WRNIP1: variants seen among roughly 807,000 people sequenced by gnomAD.
The protein encoded by WRNIP1 is WRN helicase interacting protein 1.
A neutral mutation model predicts 56.1 loss-of-function variants in WRNIP1; 41 were observed. That is an observed-to-expected ratio of 0.73 (90% confidence interval 0.57 to 0.95). The LOEUF is 0.95. WRNIP1 is among the 40% of genes least tolerant of loss of function. The pLI, the probability that WRNIP1 is intolerant of heterozygous loss-of-function variation, is 0.00. For synonymous variants in WRNIP1, 547 were observed against 398.1 expected (o/e 1.37, Z -4.45); for missense variants, 1,170 against 939.4 (o/e 1.25, Z -3.21).
rs1352928304 is a variant in WRNIP1 at position 2,770,332 on chromosome 6, T to A, written c.1227T>A (p.Pro409=). 6.2e-7 allele frequency: 1 copy of A among 1,614,118 alleles called. No individual in the cohort carries two copies. The highest frequency in any genetic ancestry group is 8.5e-7 in the Non-Finnish European group (1 of 1,180,004). ...TAGACTCTAGCCGTCCCACTGACCC[T>A]CTGAGCCACAGCAGCAACAGCAGCT... The part of the protein sequence containing the change: ...HVLDSSRPTD[P]LSHSSNSSSE... Residue 409 remains proline, a synonymous_variant, in exon 3 of 7, where the codon CCT becomes CCA. Transcript: ENST00000380773.
intron 3 of WRNIP1, among the ~76,000 whole-genome samples, chr6:2,770,959 G>A (rs1765258783): frequency 6.6e-6 from 1 of 152,124 alleles, no homozygotes; most frequent in African/African-American, 2.4e-5. Flanking sequence ...ACCTATTTCT[G>A]CATCATGAGT....
At chr6:2,784,233 C>T in intron 5 of WRNIP1, 91 bp from the exon 6 acceptor site, 3 of 1,209,974 alleles carry the variant, frequency 2.5e-6, no homozygotes, top group Non-Finnish European at 2.4e-6. Context: ...ACCAAGTGTA[C>T]AAGCAGTGGT....
chr6:2,782,267 C>G (rs753063878), intron 4 of WRNIP1, among the ~76,000 whole-genome samples: 1 of 152,218 alleles, frequency 6.6e-6, no homozygotes, highest in Non-Finnish European at 1.5e-5. Flanking sequence ...CTGACTTCAC[C>G]AGGGGAGCCC....
rs756803867 is a variant in WRNIP1, at chr6:2,784,305, TTGTCTC to T, written c.1643-15_1643-10del. On this transcript the variant is annotated splice_polypyrimidine_tract_variant and intron_variant, in intron 5 of 6. Coordinates refer to ENST00000380773, the MANE Select transcript of WRNIP1 (RefSeq NM_020135.3). ...TGTGTGTCATGACTGAAACTCTCCT[TTGTCTC>T]TGTGTGTGGCAGGTCTGGCAGACCC... The T allele has an allele frequency of 3.1e-6, 5 of 1,609,726 alleles. No homozygotes were observed. Among genetic ancestry groups the T allele is most frequent in the Middle Eastern group, 1.7e-4 (1 of 5,902 alleles).
rs765273435 is a variant in WRNIP1, at chr6:2,771,254, G to A, written c.1256+893G>A. Among the ~76,000 whole-genome samples, 66 of 152,334 alleles carry A rather than the reference G, an allele frequency of 4.3e-4. 1 individual carries two copies. The Middle Eastern group carries it at 0.014, about 31-fold the overall frequency. On this transcript the variant is annotated intron_variant, in intron 3 of 6. Transcript: ENST00000380773. ...AGGCATAGTTTAGGCTCAGGGTTTA[G>A]GTTTCACCAGGCTCTCCCTATGTGT...
chr6:2,774,125 T>C (rs2113468805), intron 3 of WRNIP1: 2 of 985,382 alleles, frequency 2.0e-6, no homozygotes, highest in South Asian at 9.4e-5. Flanking sequence ...ATGGTTGGTA[T>C]AGAGTAGATG....
At chr6:2,778,122 G>C (rs1765474571) in intron 3 of WRNIP1, among the ~76,000 whole-genome samples, 1 of 152,198 alleles carries the variant, frequency 6.6e-6, no homozygotes, top group African/African-American at 2.4e-5. Flanking sequence ...GTGGGTGTAT[G>C]CTGAGGAGTT....
chr6:2,781,584 A>T (rs1043985781), intron 4 of WRNIP1, among the ~76,000 whole-genome samples: 1 of 152,214 alleles, frequency 6.6e-6, no homozygotes, highest in Non-Finnish European at 1.5e-5. Context: ...CACCTAGTTC[A>T]TAGTTACCCA....
chr6:2,782,826 G>A (rs1357726032), intron 4 of WRNIP1, among the ~76,000 whole-genome samples: 3 of 152,210 alleles, frequency 2.0e-5, no homozygotes, highest in Non-Finnish European at 2.9e-5. Flanking sequence ...GGCGGAAGCT[G>A]GTTAGTCCAC....
chr6:2,785,428 G>A lies in WRNIP1; in HGVS notation c.*146G>A, dbSNP rs1765686742. ...AAATTTAAGAGTTCCATAGGTGGAG[G>A]CGCAGTTCTTTCGAATAAATGTGTA... is the stretch of plus-strand genomic sequence containing the variant. On this transcript the variant is annotated 3_prime_UTR_variant, in exon 7 of 7. Transcript: ENST00000380773. The A allele has an allele frequency of 4.7e-6, 4 of 846,760 alleles. No homozygotes were observed. The Admixed American group carries it at 1.1e-4, about 24-fold the overall frequency. 52.5% of individuals were successfully genotyped at this position (846,760 alleles called of 1,614,324 possible). A position where few individuals can be genotyped will look rare whatever the true frequency, so the allele number is the denominator to read the frequency against.
chr6:2,779,297 A>T lies in WRNIP1; in HGVS notation c.1291A>T (p.Thr431Ser). The change falls in exon 4 of 7, where the codon ACC (threonine) becomes TCC (serine). Residue 431 changes from threonine (T) to serine (S), a missense_variant. Transcript: ENST00000380773. ...GTTCATAGAGGATAAAGCAGTAGAC[A>T]CCCTGGCTTACCTCAGTGACGGTGA... ...AMFIEDKAVD[T>S]LAYLSDGDAR... The T allele has an allele frequency of 6.2e-7, 1 of 1,614,098 alleles. No homozygotes were observed. Among genetic ancestry groups the T allele is most frequent in the Non-Finnish European group, 8.5e-7 (1 of 1,180,020 alleles).
Position 2,786,415 on chromosome 6 carries a change from T to A in WRNIP1, c.*1133T>A, listed in dbSNP as rs1468096869. The A allele has an allele frequency of 2.6e-5, 4 of 152,268 alleles. No individual in the cohort carries two copies. Among genetic ancestry groups the A allele is most frequent in the African/African-American group, 9.6e-5 (4 of 41,456 alleles). The allele number at this position is 152,268 out of a possible 1,614,324, so 9.4% of individuals were successfully genotyped here. A position where few individuals can be genotyped will look rare whatever the true frequency, so the allele number is the denominator to read the frequency against. On this transcript the variant is annotated 3_prime_UTR_variant, in exon 7 of 7. Coordinates refer to ENST00000380773, the MANE Select transcript of WRNIP1 (RefSeq NM_020135.3). ...AGAGGCTTGGCCCGACTGGCCTCCC[T>A]CCTTCTGTCTGGAGTGGTTGCACTG...
rs933208253 is a variant in WRNIP1 at position 2,766,157 on chromosome 6, G to C, written c.535G>C (p.Asp179His). Reference sequence around the variant, plus strand: ...CGACGGCGATGGCGACGGGGACGCGGACGCGGACGGCGAGGACGACCCGGG... The same window carrying C: ...CGACGGCGATGGCGACGGGGACGCGCACGCGGACGGCGAGGACGACCCGGG... ...VGDGDGDGDA[D>H]ADGEDDPGHW... is the part of the protein sequence containing the mutation. Residue 179 changes from aspartate (D) to histidine (H), a missense_variant, in exon 1 of 7, where the codon GAC becomes CAC. Coordinates refer to ENST00000380773, the MANE Select transcript of WRNIP1 (RefSeq NM_020135.3). 103 of 1,332,224 alleles carry C rather than the reference G, an allele frequency of 7.7e-5. No homozygotes were observed. The highest frequency in any genetic ancestry group is 9.4e-5 in the Non-Finnish European group (98 of 1,048,036). 82.5% of individuals were successfully genotyped at this position (1,332,224 alleles called of 1,614,324 possible). A position where few individuals can be genotyped will look rare whatever the true frequency, so the allele number is the denominator to read the frequency against.
intron 4 of WRNIP1, among the ~76,000 whole-genome samples, chr6:2,779,969 AT>A (rs1449016054): frequency 3.3e-5 from 5 of 152,286 alleles, no homozygotes; most frequent in African/African-American, 1.2e-4. Context: ...TGAAGTTTTT[AT>A]TTTATGTAGT....
At chr6:2,778,664 CAA>C (rs1328253744) in intron 3 of WRNIP1, among the ~76,000 whole-genome samples, 1 of 152,134 alleles carries the variant, frequency 6.6e-6, no homozygotes, top group Non-Finnish European at 1.5e-5. Context: ...TGCAGCATCC[CAA>C]GATTCCCCAG....
Position 2,785,470 on chromosome 6 carries a change from C to T in WRNIP1, c.*188C>T. ...AAATGTGTAACTTTGAAATTGTGTT[C>T]ATTTGCACTCGGTGCAGCGGTTATG... On this transcript the variant is annotated 3_prime_UTR_variant, in exon 7 of 7. Coordinates refer to ENST00000380773, the MANE Select transcript of WRNIP1 (RefSeq NM_020135.3). The T allele has an allele frequency of 3.1e-6, 2 of 640,326 alleles. No individual in the cohort carries two copies. The highest frequency in any genetic ancestry group is 5.3e-6 in the Non-Finnish European group (2 of 375,638). The allele number at this position is 640,326 out of a possible 1,614,324, so 39.7% of individuals were successfully genotyped here.
chr6:2,768,004 C>T (rs1765101444), intron 1 of WRNIP1, among the ~76,000 whole-genome samples: 1 of 152,192 alleles, frequency 6.6e-6, no homozygotes, highest in Non-Finnish European at 1.5e-5. Flanking sequence ...AGTTTTTCTT[C>T]TCATCCTTTA....
At chr6:2,774,135 G>C (rs1290061356) in intron 3 of WRNIP1, 1 of 985,214 alleles carries the variant, frequency 1.0e-6, no homozygotes, top group Non-Finnish European at 1.2e-6. Flanking sequence ...TAGAGTAGAT[G>C]TCAATCTTTT....
At position 2,765,672 on chromosome 6, in the gene WRNIP1, A is replaced by T; in HGVS notation, c.50A>T (p.Gln17Leu). The T allele has an allele frequency of 1.9e-6, 3 of 1,552,784 alleles. No homozygotes were observed. Among genetic ancestry groups the T allele is most frequent in the East Asian group, 2.6e-5 (1 of 38,918 alleles). The change falls in exon 1 of 7, where the codon CAG (glutamine) becomes CTG (leucine). Residue 17 changes from glutamine (Q) to leucine (L), a missense_variant. Gln to Leu is a moderately radical substitution (Grantham distance 113). Transcript: ENST00000380773. Reference protein sequence around the residue: ...EDDPFLSQLHQVQCPVCQQMM... With the variant: ...EDDPFLSQLHLVQCPVCQQMM... Reference sequence around the variant, plus strand: ...GACCCCTTCCTTTCGCAGCTGCACCAGGTGCAGTGCCCCGTGTGCCAGCAG... The same window carrying T: ...GACCCCTTCCTTTCGCAGCTGCACCTGGTGCAGTGCCCCGTGTGCCAGCAG...
Sources: allele counts gnomAD v4.1 joint callset (sites outside exome capture counted in the v4.1 genomes callset), GRCh38; gene constraint gnomAD v4.1.1; transcripts MANE v1.5; gene names NCBI Gene and HGNC (gene_info 2026-07-23, HGNC 2026-07-21).